Variants in SUMF1 observed in about 807,000 individuals in gnomAD.
The protein encoded by SUMF1 is formylglycine-generating enzyme.
Under a neutral mutation model 47.6 loss-of-function variants are expected in SUMF1, and 48 were observed. The ratio of observed to expected loss-of-function variants is 1.01; its 90% CI spans 0.80 to 1.28. SUMF1 has a LOEUF of 1.28. Among genes scored for constraint, SUMF1 ranks in the 50% most tolerant of loss-of-function variants. The pLI is 0.00. For synonymous variants in SUMF1, 230 were observed against 192.1 expected, an observed-to-expected ratio of 1.20 and a Z score of -1.63; for missense variants, 571 against 485.4, an observed-to-expected ratio of 1.18 and a Z score of -1.66.
chr3:4,091,096 C>CAAAA (rs796472100), intron 8 of SUMF1, among the ~76,000 whole-genome samples: 20 of 137,092 alleles, frequency 1.5e-4, no homozygotes, highest in African/African-American at 5.6e-4. Flanking sequence ...ACAACAACAA[C>CAAAA]AAAAAAAAAA....
chr3:4,280,122 A>T (rs310701), intron 8 of SUMF1, among the ~76,000 whole-genome samples: 24,305 of 152,150 alleles, frequency 0.16, 2,257 homozygotes, highest in South Asian at 0.35. Context: ...TATGTGAGGT[A>T]GTACAGATGT....
At chr3:4,143,984 CTCTCTTTTT>C (rs1694134657) in intron 8 of SUMF1, among the ~76,000 whole-genome samples, 1 of 81,816 alleles carries the variant, frequency 1.2e-5, no homozygotes, top group Non-Finnish European at 3.1e-5. Context: ...ACTGTCTTCT[CTCTCTTTTT>C]TTTTTTTTTT....
At chr3:4,051,341 T>A (rs1695107710) in intron 9 of SUMF1, among the ~76,000 whole-genome samples, 1 of 152,106 alleles carries the variant, frequency 6.6e-6, no homozygotes, top group South Asian at 2.1e-4. Context: ...CATTCCTACG[T>A]TCTTTTCTTT....
chr3:4,305,989 G>T (rs1698172477), intron 8 of SUMF1, among the ~76,000 whole-genome samples: 1 of 152,190 alleles, frequency 6.6e-6, no homozygotes, highest in African/African-American at 2.4e-5. Context: ...AAAAACCACT[G>T]TTCTAGTCCA....
intron 7 of SUMF1, among the ~76,000 whole-genome samples, chr3:4,405,550 C>T (rs780781669): frequency 6.6e-6 from 1 of 152,098 alleles, no homozygotes; most frequent in Non-Finnish European, 1.5e-5. Flanking sequence ...CCATGCCCAG[C>T]TAACTTTTTG....
intron 8 of SUMF1, among the ~76,000 whole-genome samples, chr3:4,142,947 G>C (rs1694105029): frequency 6.6e-6 from 1 of 151,960 alleles, no homozygotes; most frequent in African/African-American, 2.4e-5. Flanking sequence ...GTCCCAAGAA[G>C]AACTCAGAGA....
chr3:4,140,754 C>T (rs903788204), intron 8 of SUMF1, among the ~76,000 whole-genome samples: 1 of 151,900 alleles, frequency 6.6e-6, no homozygotes, highest in African/African-American at 2.4e-5. Flanking sequence ...GTTGTCCTTT[C>T]AGCAGAGAAT....
intron 8 of SUMF1, among the ~76,000 whole-genome samples, chr3:4,076,796 C>A (rs975468981): frequency 2.0e-5 from 3 of 151,970 alleles, no homozygotes; most frequent in Non-Finnish European, 4.4e-5. Context: ...TCAGGAGATC[C>A]AGACCATCCT....
intron 8 of SUMF1, among the ~76,000 whole-genome samples, chr3:4,207,794 GA>G (rs1387561325): frequency 6.6e-6 from 1 of 152,128 alleles, no homozygotes; most frequent in African/African-American, 2.4e-5. Flanking sequence ...AGGAGATACA[GA>G]AAACCACAAC....
chr3:4,303,009 CCCG>C (rs1257361524), intron 8 of SUMF1, among the ~76,000 whole-genome samples: 1 of 152,166 alleles, frequency 6.6e-6, no homozygotes, highest in Non-Finnish European at 1.5e-5. Flanking sequence ...TGTGCGTTTC[CCCG>C]CTCGGTTTAG....
At chr3:4,280,830 TG>T (rs1697514015) in intron 8 of SUMF1, among the ~76,000 whole-genome samples, 3 of 33,820 alleles carry the variant, frequency 8.9e-5, no homozygotes, top group African/African-American at 6.2e-4. Context: ...TGTGTGTGTG[TG>T]TGTGTGTGTG....
At chr3:4,232,349 A>G (rs542938536) in intron 8 of SUMF1, among the ~76,000 whole-genome samples, 3 of 152,216 alleles carry the variant, frequency 2.0e-5, no homozygotes, top group African/African-American at 7.2e-5. Context: ...AATAATATCC[A>G]ACTGTACTTT....
intron 8 of SUMF1, among the ~76,000 whole-genome samples, chr3:4,367,927 C>G (rs1193554376): frequency 6.6e-6 from 1 of 151,942 alleles, no homozygotes; most frequent in East Asian, 1.9e-4. Flanking sequence ...TAGGCATGGG[C>G]AAGGACTTCA....
chr3:4,392,707 T>C (rs1700913060), intron 7 of SUMF1, among the ~76,000 whole-genome samples: 1 of 151,480 alleles, frequency 6.6e-6, no homozygotes, highest in Non-Finnish European at 1.5e-5. Context: ...ACAGCAACTC[T>C]TGATTACCCT....
intron 8 of SUMF1, among the ~76,000 whole-genome samples, chr3:4,283,200 AC>A (rs1697563049): frequency 6.6e-6 from 1 of 152,010 alleles, no homozygotes; most frequent in Non-Finnish European, 1.5e-5. Context: ...GAAGAAAACC[AC>A]CCCCACTTTC....
At chr3:4,229,394 G>T in intron 8 of SUMF1, 1 of 383,022 alleles carries the variant, frequency 2.6e-6, no homozygotes, top group Non-Finnish European at 5.1e-6. Flanking sequence ...GAAACCACAA[G>T]AGCATGTCTT....
intron 8 of SUMF1, among the ~76,000 whole-genome samples, chr3:4,097,940 G>A (rs73129163): frequency 0.11 from 16,369 of 152,116 alleles, 1,716 homozygotes; most frequent in African/African-American, 0.25. Context: ...GACACAGCCT[G>A]CTGGTCTTGC....
intron 8 of SUMF1, among the ~76,000 whole-genome samples, chr3:4,161,994 G>C (rs1694588044): frequency 2.0e-5 from 3 of 152,132 alleles, no homozygotes; most frequent in Admixed American, 6.5e-5. Flanking sequence ...TGATTTTTCA[G>C]GGCCCAAGGG....
intron 8 of SUMF1, among the ~76,000 whole-genome samples, chr3:4,212,014 T>TA (rs1452944228): frequency 6.6e-6 from 1 of 152,164 alleles, no homozygotes; most frequent in Non-Finnish European, 1.5e-5. Context: ...TCAGCAGATG[T>TA]AAACGTCCCT....
Sources: allele counts gnomAD v4.1 joint callset (sites outside exome capture counted in the v4.1 genomes callset), GRCh38; gene constraint gnomAD v4.1.1; transcripts MANE v1.5; gene names NCBI Gene and HGNC (gene_info 2026-07-23, HGNC 2026-07-21).